NARS2: variants seen among roughly 807,000 people sequenced by gnomAD.
NARS2 encodes the protein asparaginyl-tRNA synthetase.
NARS2 carries 60 observed loss-of-function variants against 62.9 expected under a neutral mutation model. That is an observed-to-expected ratio of 0.95 (90% CI 0.77 to 1.18). NARS2 has a LOEUF of 1.18. Ranked by LOEUF, NARS2 falls within the 50% of genes most tolerant of loss-of-function variation. NARS2 has a pLI of 0.00. For missense variants in NARS2, 619 were observed against 576.4 expected (o/e 1.07, Z -0.76); for synonymous variants, 196 against 200.0 (o/e 0.98, Z 0.17).
At chr11:78,517,911 G>A (rs947989633) in intron 6 of NARS2, among the ~76,000 whole-genome samples, 1 of 152,118 alleles carries the variant, frequency 6.6e-6, no homozygotes, top group African/African-American at 2.4e-5. Context: ...CTTTAAAGAA[G>A]TGTATTTATC....
At chr11:78,474,348 T>C (rs1858997488) in intron 9 of NARS2, among the ~76,000 whole-genome samples, 1 of 152,208 alleles carries the variant, frequency 6.6e-6, no homozygotes, top group Admixed American at 6.5e-5. Context: ...TTTCTCTAGA[T>C]TTTCAACTCC....
intron 6 of NARS2, among the ~76,000 whole-genome samples, chr11:78,523,869 T>C (rs985580997): frequency 6.6e-6 from 1 of 152,098 alleles, no homozygotes; most frequent in Non-Finnish European, 1.5e-5. Context: ...TTGGGAGTGA[T>C]AAAACCTTAA....
intron 6 of NARS2, among the ~76,000 whole-genome samples, chr11:78,497,854 G>A (rs1471945595): frequency 6.6e-6 from 1 of 152,124 alleles, no homozygotes; most frequent in African/African-American, 2.4e-5. Context: ...TAGGGAGGGT[G>A]AATTCTAAAT....
intron 5 of NARS2, among the ~76,000 whole-genome samples, chr11:78,537,839 CAT>C (rs1173850207): frequency 6.6e-6 from 1 of 152,218 alleles, no homozygotes. Context: ...AACATACATA[CAT>C]GTTTGTCTGA....
chr11:78,522,892 G>T (rs1439463679), intron 6 of NARS2, among the ~76,000 whole-genome samples: 1 of 152,156 alleles, frequency 6.6e-6, no homozygotes, highest in East Asian at 1.9e-4. Context: ...GCAGTATTCA[G>T]CAGTTTGCTG....
intron 10 of NARS2, 31 bp from the exon 11 acceptor site, chr11:78,466,044 A>C: frequency 6.4e-7 from 1 of 1,554,336 alleles, no homozygotes; most frequent in Non-Finnish European, 8.7e-7. Flanking sequence ...TGACCAAAAG[A>C]GGAGACAGAG....
At chr11:78,531,077 G>A (rs1433304030) in intron 5 of NARS2, among the ~76,000 whole-genome samples, 1 of 152,004 alleles carries the variant, frequency 6.6e-6, no homozygotes, top group African/African-American at 2.4e-5. Flanking sequence ...AGTGATATCA[G>A]CAAATATGGC....
Position 78,461,939 on chromosome 11 carries a change from C to T in NARS2, c.1164+3937G>A, listed in dbSNP as rs140819721. Among the ~76,000 whole-genome samples, 3 of 152,008 alleles carry T rather than the reference C, an allele frequency of 2.0e-5. No individual in the cohort carries two copies. In the East Asian group the frequency reaches 5.8e-4, roughly 29 times the overall value. On this transcript the variant is annotated intron_variant, in intron 11 of 13. Coordinates refer to ENST00000281038, the MANE Select transcript of NARS2 (RefSeq NM_024678.6). Reference sequence around the variant, plus strand: ...TTGCACTCCAGCCTGGAAGACAGAGCAAGATTCCGTCTTTTAAAAAAAAGA... The same window carrying T: ...TTGCACTCCAGCCTGGAAGACAGAGTAAGATTCCGTCTTTTAAAAAAAAGA...
chr11:78,541,829 A>T (rs1443187781), intron 5 of NARS2, among the ~76,000 whole-genome samples: 15 of 152,206 alleles, frequency 9.9e-5, no homozygotes, highest in Non-Finnish European at 2.2e-4. Context: ...TGCAGTTGCT[A>T]TCATTGCTGC....
chr11:78,470,631 A>G (rs1220835584), intron 9 of NARS2, among the ~76,000 whole-genome samples: 2 of 152,188 alleles, frequency 1.3e-5, no homozygotes, highest in African/African-American at 4.8e-5. Context: ...CAGTGACCTG[A>G]TATTTCACGT....
chr11:78,528,775 T>C, intron 6 of NARS2, 67 bp downstream of exon 6: 2 of 1,007,384 alleles, frequency 2.0e-6, no homozygotes, highest in East Asian at 2.4e-5. Context: ...GGTTTGAGCA[T>C]GGGAAGGGAA....
chr11:78,534,988 T>G (rs1053204237), intron 5 of NARS2, among the ~76,000 whole-genome samples: 1 of 152,174 alleles, frequency 6.6e-6, no homozygotes, highest in African/African-American at 2.4e-5. Context: ...TAATACAGTA[T>G]ATTAGTGGTA....
intron 11 of NARS2, among the ~76,000 whole-genome samples, chr11:78,463,517 C>G (rs752902259): frequency 6.6e-6 from 1 of 151,998 alleles, no homozygotes; most frequent in African/African-American, 2.4e-5. Flanking sequence ...GAAACCCTGT[C>G]TCTACTAAAA....
chr11:78,472,159 G>C (rs1858905262), intron 9 of NARS2, among the ~76,000 whole-genome samples: 1 of 152,116 alleles, frequency 6.6e-6, no homozygotes, highest in South Asian at 2.1e-4. Context: ...TCAAATTACA[G>C]TTCTGACATT....
chr11:78,456,156 C>A (rs1032428035), intron 11 of NARS2, among the ~76,000 whole-genome samples: 2 of 152,108 alleles, frequency 1.3e-5, no homozygotes, highest in Admixed American at 6.6e-5. Context: ...TCTTACTCTA[C>A]CAAAAGACTT....
At chr11:78,565,665 T>G (rs1292738090) in intron 4 of NARS2, among the ~76,000 whole-genome samples, 1 of 152,184 alleles carries the variant, frequency 6.6e-6, no homozygotes, top group Non-Finnish European at 1.5e-5. Flanking sequence ...GTGAGGAAAC[T>G]ATCCAATGCT....
chr11:78,543,068 C>T (rs576373337), intron 5 of NARS2, among the ~76,000 whole-genome samples: 9 of 152,286 alleles, frequency 5.9e-5, no homozygotes, highest in Middle Eastern at 3.4e-3. Context: ...ATCCCAGCCA[C>T]TAGGGAGGCT....
intron 11 of NARS2, among the ~76,000 whole-genome samples, chr11:78,452,392 C>T (rs896230554): frequency 1.1e-4 from 17 of 151,868 alleles, no homozygotes; most frequent in African/African-American, 3.9e-4. Flanking sequence ...CAGGCGTCAG[C>T]CACCGTGTCT....
chr11:78,489,702 A>G (rs1016452206), intron 7 of NARS2, among the ~76,000 whole-genome samples: 3 of 152,138 alleles, frequency 2.0e-5, no homozygotes, highest in Admixed American at 2.0e-4. Context: ...TATAATGAAG[A>G]CTATAAAACA....
Sources: allele counts gnomAD v4.1 joint callset (sites outside exome capture counted in the v4.1 genomes callset), GRCh38; gene constraint gnomAD v4.1.1; transcripts MANE v1.5; gene names NCBI Gene and HGNC (gene_info 2026-07-23, HGNC 2026-07-21).